CDH12: variants seen among roughly 807,000 people sequenced by gnomAD.
CDH12 encodes cadherin 12, also known as cadherin-12.
Under a neutral mutation model 74.1 loss-of-function variants are expected in CDH12, and 41 were observed. That is an observed-to-expected ratio of 0.55 (90% CI 0.43 to 0.72). The LOEUF (loss-of-function observed/expected upper bound fraction) is 0.72, where lower values mean the gene tolerates loss of function less well. CDH12 is among the 30% of genes least tolerant of loss of function. The pLI is 0.00. For missense variants in CDH12, 945 were observed against 977.2 expected (o/e 0.97, Z 0.44); for synonymous variants, 399 against 355.0 (o/e 1.12, Z -1.39).
intron 11 of CDH12, among the ~76,000 whole-genome samples, chr5:21,780,870 G>T (rs933983500): frequency 1.3e-5 from 2 of 152,138 alleles, no homozygotes; most frequent in Admixed American, 6.6e-5. Context: ...ATAAATGAAA[G>T]CATGAAATGA....
chr5:22,310,146 T>C (rs890226175), intron 3 of CDH12, among the ~76,000 whole-genome samples: 4 of 151,770 alleles, frequency 2.6e-5, no homozygotes, highest in African/African-American at 9.7e-5. Flanking sequence ...ACTTAAAGTA[T>C]AATAAAAAAC....
chr5:21,796,916 C>T (rs1043982401), intron 10 of CDH12, among the ~76,000 whole-genome samples: 7 of 152,114 alleles, frequency 4.6e-5, no homozygotes, highest in Admixed American at 1.3e-4. Context: ...AATCCAGTCT[C>T]GTTTGACTCA....
At chr5:22,446,123 C>T (rs1050534591) in intron 2 of CDH12, among the ~76,000 whole-genome samples, 2 of 152,046 alleles carry the variant, frequency 1.3e-5, no homozygotes, top group African/African-American at 4.8e-5. Context: ...ATTACCAGCC[C>T]TAATCTCTCA....
intron 1 of CDH12, among the ~76,000 whole-genome samples, chr5:22,662,505 A>G (rs1443394919): frequency 1.3e-5 from 2 of 152,220 alleles, no homozygotes; most frequent in African/African-American, 4.8e-5. Context: ...AGTCCCATCA[A>G]AAGAAACAGC....
intron 3 of CDH12, among the ~76,000 whole-genome samples, chr5:22,301,411 T>C (rs542012112): frequency 2.8e-4 from 43 of 152,330 alleles, no homozygotes; most frequent in African/African-American, 9.1e-4. Context: ...ATATGTAGTA[T>C]GGATGCATAA....
At chr5:22,346,348 CA>C (rs1740112678) in intron 3 of CDH12, among the ~76,000 whole-genome samples, 1 of 152,116 alleles carries the variant, frequency 6.6e-6, no homozygotes, top group Admixed American at 6.5e-5. Flanking sequence ...AACGTATTTA[CA>C]TAATTCTTTA....
chr5:22,747,811 A>G (rs1441871462), intron 1 of CDH12, among the ~76,000 whole-genome samples: 1 of 152,166 alleles, frequency 6.6e-6, no homozygotes, highest in Non-Finnish European at 1.5e-5. Flanking sequence ...AAAATTTCTT[A>G]TGAATCTGAG....
At chr5:22,830,182 G>A (rs1030659696) in intron 1 of CDH12, among the ~76,000 whole-genome samples, 1 of 152,004 alleles carries the variant, frequency 6.6e-6, no homozygotes, top group Non-Finnish European at 1.5e-5. Flanking sequence ...ATGAATTTCC[G>A]TCATGTGAAT....
intron 5 of CDH12, among the ~76,000 whole-genome samples, chr5:21,994,696 T>C (rs1272628046): frequency 6.6e-6 from 1 of 152,138 alleles, no homozygotes; most frequent in Non-Finnish European, 1.5e-5. Flanking sequence ...CAAAGTGAAA[T>C]TGAGAGGTGA....
chr5:22,447,866 G>A (rs1394902581), intron 2 of CDH12, among the ~76,000 whole-genome samples: 1 of 151,668 alleles, frequency 6.6e-6, no homozygotes, highest in Non-Finnish European at 1.5e-5. Context: ...ATTAGGCTGA[G>A]CATGGTGGCT....
At chr5:22,791,270 C>T (rs1747891285) in intron 1 of CDH12, among the ~76,000 whole-genome samples, 1 of 152,000 alleles carries the variant, frequency 6.6e-6, no homozygotes, top group African/African-American at 2.4e-5. Flanking sequence ...AAATCTAGTG[C>T]CAGAAGAAAA....
At chr5:21,805,641 C>T (rs1747387274) in intron 9 of CDH12, among the ~76,000 whole-genome samples, 1 of 152,066 alleles carries the variant, frequency 6.6e-6, no homozygotes, top group Non-Finnish European at 1.5e-5. Context: ...TCAGAAAGGG[C>T]AAAGAGAACC....
At chr5:22,253,467 A>T (rs1279023458) in intron 3 of CDH12, among the ~76,000 whole-genome samples, 1 of 151,962 alleles carries the variant, frequency 6.6e-6, no homozygotes. Context: ...CTGTCATTTA[A>T]AATAAAGTAC....
chr5:21,950,437 C>G (rs1244826562), intron 6 of CDH12, among the ~76,000 whole-genome samples: 1 of 151,728 alleles, frequency 6.6e-6, no homozygotes, highest in African/African-American at 2.4e-5. Context: ...GAAACAGAAA[C>G]AAACAGAAAC....
intron 6 of CDH12, among the ~76,000 whole-genome samples, chr5:21,931,863 T>C (rs1219030039): frequency 2.0e-5 from 3 of 152,200 alleles, no homozygotes; most frequent in Non-Finnish European, 4.4e-5. Context: ...AAAGATTTCA[T>C]TGACCAACAA....
In CDH12 at chr5:22,489,381, GA is replaced by G. The variant is rs755750517; in HGVS notation, c.-428+15888del. The stretch of plus-strand genomic sequence containing the variant: ...CAGTTTTTCAGTATTACTTTTCATG[GA>G]AAAAACTGCAATCACTTTCACACCA... On this transcript the variant is annotated intron_variant, in intron 2 of 14. Coordinates refer to ENST00000382254, the MANE Select transcript of CDH12 (RefSeq NM_004061.5). Among the ~76,000 whole-genome samples, 31 of 151,736 alleles carry G rather than the reference GA, an allele frequency of 2.0e-4. No homozygotes were observed. In the East Asian group the frequency reaches 5.3e-3, roughly 26 times the overall value.
At position 22,352,414 on chromosome 5, in the gene CDH12, C is replaced by T. The variant is rs112720252; in HGVS notation, c.-333+52843G>A. 2.2e-4 allele frequency among the ~76,000 whole-genome samples: 34 copies of T among 151,926 alleles called. 1 individual carries two copies. The highest frequency in any genetic ancestry group is 7.0e-4 in the African/African-American group (29 of 41,436). On this transcript the variant is annotated intron_variant, in intron 3 of 14. Transcript: ENST00000382254. Reference sequence around the variant, plus strand: ...GCGAAATAAATAAATAAACAAAATACAATAACAAAAACCCCTACAATGTAG... The same window carrying T: ...GCGAAATAAATAAATAAACAAAATATAATAACAAAAACCCCTACAATGTAG...
At chr5:22,656,456 A>T (rs1367928504) in intron 1 of CDH12, among the ~76,000 whole-genome samples, 1 of 152,230 alleles carries the variant, frequency 6.6e-6, no homozygotes, top group Non-Finnish European at 1.5e-5. Context: ...ACAAATTAAG[A>T]CAAAAAGGAG....
intron 4 of CDH12, among the ~76,000 whole-genome samples, chr5:22,171,623 C>A (rs1171330012): frequency 4.0e-5 from 6 of 151,844 alleles, no homozygotes; most frequent in Non-Finnish European, 5.9e-5. Context: ...ATGATATATC[C>A]CCACTTTTTA....
Sources: gnomAD v4.1 joint callset for allele counts (sites outside exome capture counted in the v4.1 genomes callset) on GRCh38, gnomAD v4.1.1 for gene constraint, MANE v1.5 for transcripts, NCBI Gene and HGNC (gene_info 2026-07-23, HGNC 2026-07-21) for gene names.